Variants in VAT1L observed in about 807,000 individuals in gnomAD.
The protein encoded by VAT1L is vesicle amine transport 1 like, also known as putative NADPH-dependent quinone oxidoreductase VAT1L.
A neutral mutation model predicts 44.1 loss-of-function variants in VAT1L; 34 were observed. The observed-to-expected ratio is 0.77, with a 90% CI of 0.59 to 1.03. The LOEUF (loss-of-function observed/expected upper bound fraction) is 1.03, where lower values mean the gene tolerates loss of function less well. Ranked by LOEUF, VAT1L falls within the 50% of genes least tolerant of loss-of-function variation. The pLI is 0.00. For missense variants in VAT1L, 615 were observed against 538.8 expected (o/e 1.14, Z -1.40); for synonymous variants, 253 against 202.2 (o/e 1.25, Z -2.13).
intron 4 of VAT1L, among the ~76,000 whole-genome samples, chr16:77,874,425 A>G (rs913875225): frequency 6.6e-6 from 1 of 151,596 alleles, no homozygotes; most frequent in Non-Finnish European, 1.5e-5. Context: ...TCACCAACCA[A>G]GAGTCCATGA....
chr16:77,909,726 A>C (rs1017899584), intron 7 of VAT1L, among the ~76,000 whole-genome samples: 2 of 151,914 alleles, frequency 1.3e-5, no homozygotes, highest in Admixed American at 6.6e-5. Flanking sequence ...CCCACAACCA[A>C]TCAAACTTTG....
At chr16:77,936,524 G>A (rs1363773678) in intron 7 of VAT1L, among the ~76,000 whole-genome samples, 1 of 152,148 alleles carries the variant, frequency 6.6e-6, no homozygotes, top group Non-Finnish European at 1.5e-5. Context: ...TTGTCACATG[G>A]CCACGAAAAT....
chr16:77,968,814 G>T (rs954985060), intron 7 of VAT1L, among the ~76,000 whole-genome samples: 2 of 152,100 alleles, frequency 1.3e-5, no homozygotes, highest in African/African-American at 4.8e-5. Context: ...ACTGTATTTT[G>T]CAAGAATCAA....
intron 7 of VAT1L, among the ~76,000 whole-genome samples, chr16:77,895,585 G>A (rs1468450473): frequency 6.6e-6 from 1 of 152,188 alleles, no homozygotes; most frequent in African/African-American, 2.4e-5. Flanking sequence ...GCCAGAAAAG[G>A]CACAAAAATT....
chr16:77,863,846 A>G (rs1013241803), intron 4 of VAT1L, among the ~76,000 whole-genome samples: 2 of 152,202 alleles, frequency 1.3e-5, no homozygotes, highest in East Asian at 3.8e-4. Flanking sequence ...ATGTACACCA[A>G]TCCAGCAAAT....
chr16:77,837,470 G>A (rs531670976), intron 3 of VAT1L, among the ~76,000 whole-genome samples: 2 of 152,154 alleles, frequency 1.3e-5, no homozygotes, highest in African/African-American at 2.4e-5. Context: ...TGCTGTGTTC[G>A]TGAAGGCAGG....
intron 3 of VAT1L, among the ~76,000 whole-genome samples, chr16:77,845,355 C>G (rs1431023275): frequency 6.6e-6 from 1 of 152,124 alleles, no homozygotes; most frequent in African/African-American, 2.4e-5. Flanking sequence ...TGAGTGTGCT[C>G]TCCCCCTCTG....
At chr16:77,923,207 T>G (rs931555764) in intron 7 of VAT1L, among the ~76,000 whole-genome samples, 8 of 152,182 alleles carry the variant, frequency 5.3e-5, no homozygotes, top group Non-Finnish European at 8.8e-5. Flanking sequence ...TTGCAGCATA[T>G]TGAGAGGCCA....
At chr16:77,975,498 C>T (rs1386824188) in intron 8 of VAT1L, among the ~76,000 whole-genome samples, 1 of 152,110 alleles carries the variant, frequency 6.6e-6, no homozygotes, top group East Asian at 1.9e-4. Context: ...AGGCGTGAGC[C>T]ACCGCGCCCG....
intron 3 of VAT1L, among the ~76,000 whole-genome samples, chr16:77,846,596 T>C (rs748611025): frequency 6.6e-6 from 1 of 152,158 alleles, no homozygotes; most frequent in African/African-American, 2.4e-5. Context: ...ATAGGTAAGA[T>C]GGACTTAGAC....
In VAT1L at chr16:77,889,962, C is replaced by G. The variant is rs534827958; in HGVS notation, c.1077+5160C>G. Among the ~76,000 whole-genome samples the G allele has an allele frequency of 1.6e-4, 25 of 152,262 alleles. 1 individual carries two copies. The highest frequency in any genetic ancestry group is 5.8e-4 in the African/African-American group (24 of 41,556). ...AATTAGCCAGGCATGGTGGCAACGC[C>G]TATAGTCCCAGCTACTTGGGAGGCT... On this transcript the variant is annotated intron_variant, in intron 7 of 8. Transcript: ENST00000302536.
At chr16:77,820,004 G>A (rs1344641686) in intron 2 of VAT1L, among the ~76,000 whole-genome samples, 2 of 152,142 alleles carry the variant, frequency 1.3e-5, no homozygotes, top group African/African-American at 2.4e-5. Context: ...ACCCATTTCA[G>A]AGCTGAGGAA....
chr16:77,862,984 T>C (rs1176467027), intron 4 of VAT1L, 94 bp downstream of exon 4: 1 of 1,439,028 alleles, frequency 6.9e-7, no homozygotes, highest in Non-Finnish European at 9.4e-7. Flanking sequence ...AATAATAATA[T>C]GTAGCAAACA....
At chr16:77,954,955 A>G (rs2018086018) in intron 7 of VAT1L, among the ~76,000 whole-genome samples, 1 of 152,202 alleles carries the variant, frequency 6.6e-6, no homozygotes, top group Non-Finnish European at 1.5e-5. Flanking sequence ...CGTGATTTTA[A>G]TGCAGGCAGT....
At chr16:77,973,589 T>A (rs1292621508) in intron 8 of VAT1L, among the ~76,000 whole-genome samples, 4 of 151,040 alleles carry the variant, frequency 2.6e-5, no homozygotes. Context: ...GGCCCCCAGG[T>A]TATCTTTAAC....
intron 7 of VAT1L, among the ~76,000 whole-genome samples, chr16:77,950,931 G>T (rs1307964309): frequency 6.6e-6 from 1 of 152,214 alleles, no homozygotes; most frequent in African/African-American, 2.4e-5. Flanking sequence ...AAATGAACAC[G>T]ACTGTATTCA....
intron 6 of VAT1L, among the ~76,000 whole-genome samples, chr16:77,882,567 T>C (rs918100811): frequency 3.9e-5 from 6 of 152,202 alleles, no homozygotes; most frequent in African/African-American, 7.2e-5. Context: ...AGTGAGGAAA[T>C]TGAGCACAGA....
chr16:77,969,679 A>C (rs2018258378), intron 7 of VAT1L, among the ~76,000 whole-genome samples: 2 of 152,108 alleles, frequency 1.3e-5, no homozygotes, highest in Admixed American at 6.5e-5. Context: ...TCTGTTGCTT[A>C]GAAGCAAGTC....
intron 1 of VAT1L, among the ~76,000 whole-genome samples, chr16:77,813,435 A>G (rs766276669): frequency 1.3e-5 from 2 of 152,200 alleles, no homozygotes; most frequent in African/African-American, 2.4e-5. Context: ...TGCTATAAAC[A>G]CATGTGTGAA....
Sources: allele counts gnomAD v4.1 joint callset (sites outside exome capture counted in the v4.1 genomes callset), GRCh38; gene constraint gnomAD v4.1.1; transcripts MANE v1.5; gene names NCBI Gene and HGNC (gene_info 2026-07-23, HGNC 2026-07-21).